The following MYOCD variants were observed in gnomAD, a reference collection of about 807,000 sequenced individuals.
The protein encoded by MYOCD is myocardin.
MYOCD carries 32 observed loss-of-function variants against 96.1 expected under a neutral mutation model. The observed-to-expected ratio is 0.33, with a 90% CI of 0.25 to 0.45. MYOCD has a LOEUF of 0.45. MYOCD is among the 20% of genes least tolerant of loss of function. MYOCD has a pLI of 1.00. For synonymous variants in MYOCD, 469 were observed against 469.0 expected (o/e 1.00, Z 0.00); for missense variants, 1,133 against 1,200.6 (o/e 0.94, Z 0.83).
At chr17:12,728,701 A>C (rs1164244290) in intron 5 of MYOCD, among the ~76,000 whole-genome samples, 3 of 151,498 alleles carry the variant, frequency 2.0e-5, no homozygotes, top group Admixed American at 2.0e-4. Context: ...CTTGTCTCGA[A>C]CTCCCCACCT....
intron 5 of MYOCD, among the ~76,000 whole-genome samples, chr17:12,730,174 G>A (rs560616004): frequency 2.0e-5 from 3 of 151,922 alleles, no homozygotes; most frequent in Admixed American, 1.3e-4. Flanking sequence ...AAGGCCAGGC[G>A]TGGTGGCTCA....
At chr17:12,690,025 C>T (rs1266153657) in intron 1 of MYOCD, among the ~76,000 whole-genome samples, 1 of 151,938 alleles carries the variant, frequency 6.6e-6, no homozygotes, top group African/African-American at 2.4e-5. Context: ...AAAGAATATT[C>T]TAAGGGATTG....
In MYOCD at chr17:12,763,289, G is replaced by A. The variant is rs759859643; in HGVS notation, c.2606G>A (p.Ser869Asn). The change falls in exon 14 of 14, where the codon AGT (serine) becomes AAT (asparagine). Residue 869 changes from serine to asparagine, a missense_variant. Transcript: ENST00000425538. ...TCCCAGAGCCCCCTAGGAAAGATGA[G>A]TGATGTCACCCTTCTAAAAATTGGG... is the stretch of plus-strand genomic sequence containing the variant. ...LNSQSPLGKM[S>N]DVTLLKIGSE... is the part of the protein sequence containing the mutation. 10 of 1,612,790 alleles carry A rather than the reference G, an allele frequency of 6.2e-6. No homozygotes were observed. The highest frequency in any genetic ancestry group is 8.5e-6 in the Non-Finnish European group (10 of 1,179,538).
chr17:12,691,204 G>A (rs1282306559), intron 1 of MYOCD, among the ~76,000 whole-genome samples: 1 of 152,162 alleles, frequency 6.6e-6, no homozygotes, highest in African/African-American at 2.4e-5. Context: ...ACAGCCACAG[G>A]ATTCTTCTCA....
intron 1 of MYOCD, among the ~76,000 whole-genome samples, chr17:12,700,796 T>C (rs1472653085): frequency 2.0e-5 from 3 of 152,156 alleles, no homozygotes. Flanking sequence ...ATTGGTATAA[T>C]GTATAAAATG....
chr17:12,683,467 T>G (rs968101695), intron 1 of MYOCD, among the ~76,000 whole-genome samples: 5 of 151,920 alleles, frequency 3.3e-5, no homozygotes, highest in Admixed American at 1.3e-4. Context: ...GCGCGCGCGC[T>G]CTCTCTCTCT....
rs555932451 is a variant in MYOCD at position 12,725,567 on chromosome 17, A to G, written c.415+2559A>G. Among the ~76,000 whole-genome samples the G allele has an allele frequency of 8.7e-5, 13 of 148,814 alleles. No individual in the cohort carries two copies. The East Asian group carries it at 2.5e-3, about 29-fold the overall frequency. ...AAGCACATGTTTATATTATACAATA[A>G]TATGTTAATATATAATTTAATAATT... On this transcript the variant is annotated intron_variant, in intron 5 of 13. Transcript: ENST00000425538.
chr17:12,731,644 C>T (rs934624275), intron 5 of MYOCD, among the ~76,000 whole-genome samples: 1 of 152,148 alleles, frequency 6.6e-6, no homozygotes, highest in African/African-American at 2.4e-5. Context: ...GATGATGATT[C>T]CCATTTTATA....
chr17:12,671,678 T>A (rs917701816), intron 1 of MYOCD, among the ~76,000 whole-genome samples: 3 of 152,184 alleles, frequency 2.0e-5, no homozygotes, highest in African/African-American at 7.2e-5. Flanking sequence ...TGCTACAGCA[T>A]GTGACAGAAA....
intron 9 of MYOCD, 51 bp from the exon 10 acceptor site, chr17:12,752,363 T>C (rs2032873700): frequency 6.8e-7 from 1 of 1,468,550 alleles, no homozygotes; most frequent in Non-Finnish European, 9.2e-7. Flanking sequence ...GAATACACTT[T>C]TAAAAATATT....
Position 12,758,215 on chromosome 17 carries a change from T to A in MYOCD, c.2331+2T>A. 2.5e-6 allele frequency: 4 copies of A among 1,614,082 alleles called. No homozygotes were observed. Among genetic ancestry groups the A allele is most frequent in the Non-Finnish European group, 3.4e-6 (4 of 1,179,936 alleles). ...TCCTATGAAGATGCCGTAAAGCAGG[T>A]AACCATGTGATTTGTTCTTTATGGA... On this transcript the variant is annotated splice_donor_variant, in intron 12 of 13. Transcript: ENST00000425538. LOFTEE classifies it high-confidence loss of function.
At chr17:12,732,499 C>T (rs1355346810) in intron 5 of MYOCD, among the ~76,000 whole-genome samples, 1 of 152,208 alleles carries the variant, frequency 6.6e-6, no homozygotes, top group Non-Finnish European at 1.5e-5. Context: ...CCAGCACTCA[C>T]CAGGCAGTCT....
chr17:12,669,965 G>T (rs1251327170), intron 1 of MYOCD, among the ~76,000 whole-genome samples: 1 of 152,032 alleles, frequency 6.6e-6, no homozygotes, highest in African/African-American at 2.4e-5. Flanking sequence ...TGTACTTTAG[G>T]CATGAAAGCA....
intron 1 of MYOCD, among the ~76,000 whole-genome samples, chr17:12,695,026 T>G (rs1046052164): frequency 3.3e-5 from 5 of 152,074 alleles, no homozygotes; most frequent in Non-Finnish European, 5.9e-5. Context: ...ACCCTTATAA[T>G]GTGATCCCAC....
intron 12 of MYOCD, 124 bp from the exon 13 acceptor site, chr17:12,760,526 C>T (rs1317554844): frequency 1.6e-5 from 12 of 751,264 alleles, no homozygotes; most frequent in Admixed American, 4.4e-5. Flanking sequence ...TATTTTGCCA[C>T]AATTGGAAAA....
chr17:12,720,091 G>C (rs1261545200), intron 4 of MYOCD, among the ~76,000 whole-genome samples: 1 of 151,904 alleles, frequency 6.6e-6, no homozygotes, highest in African/African-American at 2.4e-5. Flanking sequence ...TTGTCACCAC[G>C]TTTACCAGTG....
At chr17:12,755,772 T>G (rs72813111) in intron 10 of MYOCD, among the ~76,000 whole-genome samples, 2 of 151,872 alleles carry the variant, frequency 1.3e-5, no homozygotes, top group South Asian at 2.1e-4. Context: ...CTAGGGATGC[T>G]GAGGTAAGGG....
At chr17:12,675,507 T>C (rs1360228428) in intron 1 of MYOCD, among the ~76,000 whole-genome samples, 1 of 152,260 alleles carries the variant, frequency 6.6e-6, no homozygotes, top group Non-Finnish European at 1.5e-5. Flanking sequence ...AACGTAGAAT[T>C]AATTTTTTAA....
At chr17:12,743,683 G>A (rs899508527) in intron 7 of MYOCD, among the ~76,000 whole-genome samples, 6 of 151,684 alleles carry the variant, frequency 4.0e-5, no homozygotes, top group African/African-American at 1.2e-4. Flanking sequence ...TGTAGAGAAG[G>A]GGTTTCACCG....
Sources: allele counts gnomAD v4.1 joint callset (sites outside exome capture counted in the v4.1 genomes callset), GRCh38; gene constraint gnomAD v4.1.1; transcripts MANE v1.5; gene names NCBI Gene and HGNC (gene_info 2026-07-23, HGNC 2026-07-21).